Variants in OTOF observed in about 807,000 individuals in gnomAD.
OTOF encodes otoferlin, also known as fer-1-like family member 2.
In OTOF, 218 loss-of-function variants were observed where a neutral mutation model predicts 236.8. The ratio of observed to expected loss-of-function variants is 0.92; its 90% CI spans 0.82 to 1.03. OTOF has a LOEUF of 1.03. Ranked by LOEUF, OTOF falls within the 50% of genes least tolerant of loss-of-function variation. The pLI, the probability that OTOF is intolerant of heterozygous loss-of-function variation, is 0.00. For synonymous variants in OTOF, 1,041 were observed against 1,072.5 expected (o/e 0.97, Z 0.57); for missense variants, 2,590 against 2,694.4 (o/e 0.96, Z 0.86).
chr2:26,548,465 C>T (rs1225985760), intron 1 of OTOF, among the ~76,000 whole-genome samples: 1 of 152,150 alleles, frequency 6.6e-6, no homozygotes, highest in Non-Finnish European at 1.5e-5. Context: ...GACTCCATAC[C>T]CGTGAGCAGT....
intron 18 of OTOF, 24 bp downstream of exon 18, chr2:26,479,240 G>C (rs746656281): frequency 1.2e-6 from 2 of 1,611,678 alleles, no homozygotes; most frequent in East Asian, 4.5e-5. Flanking sequence ...CCCCACCCCT[G>C]CTGGCCCCTG....
At chr2:26,536,334 A>G (rs1381898140) in intron 2 of OTOF, among the ~76,000 whole-genome samples, 1 of 152,150 alleles carries the variant, frequency 6.6e-6, no homozygotes. Flanking sequence ...TACAGCCAGG[A>G]GGGGGAGAAG....
rs1666138573 is a variant in OTOF, at chr2:26,502,391, G to T, written c.619C>A (p.His207Asn). The T allele has an allele frequency of 6.2e-7, 1 of 1,613,850 alleles. No homozygotes were observed. The highest frequency in any genetic ancestry group is 8.5e-7 in the Non-Finnish European group (1 of 1,179,928). ...CCATCTCCTAGCCGAATGGCCAGAT[G>T]GTCAAGGTCTTCCATCTCCAGCACC... ...PAVLEMEDLD[H>N]LAIRLGDGLD... The change falls in exon 7 of 47, where the codon CAT (histidine) becomes AAT (asparagine). Residue 207 changes from histidine (H) to asparagine (N), a missense_variant. By Grantham distance (68) the His-to-Asn change is moderately conservative. Coordinates refer to ENST00000272371, the MANE Select transcript of OTOF (RefSeq NM_194248.3).
chr2:26,541,272 TAGAG>T (rs1667206865), intron 1 of OTOF, among the ~76,000 whole-genome samples: 1 of 152,096 alleles, frequency 6.6e-6, no homozygotes, highest in Non-Finnish European at 1.5e-5. Flanking sequence ...ATAGCTTTGT[TAGAG>T]AGGAAGTAAA....
At position 26,477,735 on chromosome 2, in the gene OTOF, G is replaced by C. The variant is rs770702320; in HGVS notation, c.2229C>G (p.Asn743Lys). The C allele has an allele frequency of 1.2e-6, 2 of 1,612,532 alleles. No homozygotes were observed. Among genetic ancestry groups the C allele is most frequent in the South Asian group, 1.1e-5 (1 of 91,090 alleles). ...CCGTTTTGATCATCTCCTGTATGTC[G>C]TTCAGGCCTTCTTCCTGTGAATCAG... ...HIADKLEEGL[N>K]DIQEMIKTEK... Residue 743 changes from asparagine (N) to lysine (K), a missense_variant, in exon 19 of 47, where the codon AAC becomes AAG. Asn to Lys is a moderately conservative substitution (Grantham distance 94). Around this residue, in one of 2 missense-constraint regions of OTOF, gnomAD observed 1,379 missense variants for 1,341.6 expected, o/e 1.03. Coordinates refer to ENST00000272371, the MANE Select transcript of OTOF (RefSeq NM_194248.3). This position sits in a 1 kb window ranked among gnomAD's most constrained non-coding sequence, Gnocchi z 4.7.
chr2:26,458,330 C>G, intron 46 of OTOF, 110 bp from the exon 47 acceptor site: 1 of 1,137,886 alleles, frequency 8.8e-7, no homozygotes, highest in Non-Finnish European at 1.3e-6. Context: ...GGCCCCAGCC[C>G]CAAAAGCAGT....
rs1406433503 is a variant in OTOF, at chr2:26,473,480, C to G, written c.3496G>C (p.Gly1166Arg). The G allele has an allele frequency of 6.2e-7, 1 of 1,613,248 alleles. No homozygotes were observed. The highest frequency in any genetic ancestry group is 1.1e-5 in the South Asian group (1 of 91,078). Residue 1166 changes from glycine (G) to arginine (R), a missense_variant, in exon 28 of 47, where the codon GGG (glycine) becomes CGG (arginine). Coordinates refer to ENST00000272371, the MANE Select transcript of OTOF (RefSeq NM_194248.3). The surrounding 1 kb of genome is among the most constrained non-coding windows in gnomAD (Gnocchi z 7.2). ...TTGTGGATCAGGGACGACTGCACCC[C>G]CTTCCCTGCACACTCGATGTCCACC... The part of the protein sequence containing the change: ...PRVDIECAGK[G>R]VQSSLIHNYK...
In OTOF at chr2:26,480,795, G is replaced by A; in HGVS notation, c.1794C>T (p.Pro598=). The change falls in exon 15 of 47, where the codon CCC becomes CCT. Residue 598 remains proline (P), a synonymous_variant. Coordinates refer to ENST00000272371, the MANE Select transcript of OTOF (RefSeq NM_194248.3). ...GTGCCTGGGGTCTCACCTCCGAGAT[G>A]GGCGTGGCCTGCTCCACCTGCACCT... is the stretch of plus-strand genomic sequence containing the variant. ...STEVQVEQAT[P]ISESCAGKME... 1 of 1,612,052 alleles carries A rather than the reference G, an allele frequency of 6.2e-7. No individual in the cohort carries two copies. Among genetic ancestry groups the A allele is most frequent in the African/African-American group, 1.3e-5 (1 of 75,036 alleles).
chr2:26,528,655 C>T (rs1003227577), intron 2 of OTOF, among the ~76,000 whole-genome samples: 9 of 152,304 alleles, frequency 5.9e-5, no homozygotes, highest in Admixed American at 2.0e-4. Context: ...AAAACAGAGG[C>T]TAAAGTGGCC....
At position 26,558,689 on chromosome 2, in the gene OTOF, C is replaced by T. The variant is rs983937261; in HGVS notation, c.-118G>A. Reference sequence around the variant, plus strand: ...CTGCCTCCTCCTCCTCCTCCCGACCCCCCTCCGATGCTGCCCACAGAGACC... The same window carrying T: ...CTGCCTCCTCCTCCTCCTCCCGACCTCCCTCCGATGCTGCCCACAGAGACC... On this transcript the variant is annotated 5_prime_UTR_variant, in exon 1 of 47. Transcript: ENST00000272371. 4 of 859,102 alleles carry T rather than the reference C, an allele frequency of 4.7e-6. No homozygotes were observed. Among genetic ancestry groups the T allele is most frequent in the Middle Eastern group, 3.3e-4 (1 of 3,062 alleles). 53.2% of individuals were successfully genotyped at this position (859,102 alleles called of 1,614,324 possible).
chr2:26,479,720 C>T (rs1033210935), intron 16 of OTOF, 67 bp from the exon 17 acceptor site: 23 of 1,516,120 alleles, frequency 1.5e-5, no homozygotes, highest in East Asian at 4.6e-5. Flanking sequence ...CCGTCCAATC[C>T]GGTGCTGCCT....
chr2:26,460,224 A>C lies in OTOF; in HGVS notation c.5814-19T>G. On this transcript the variant is annotated intron_variant, in intron 45 of 46. Coordinates refer to ENST00000272371, the MANE Select transcript of OTOF (RefSeq NM_194248.3). The surrounding 1 kb of genome is among the most constrained non-coding windows in gnomAD (Gnocchi z 5.3). The stretch of plus-strand genomic sequence containing the variant: ...GGGCCGGCTGGAGTATGAAGGGTAG[A>C]GAGCGCAGAGGAGGGACAGGGAGGA... The C allele has an allele frequency of 6.3e-7, 1 of 1,589,472 alleles. No individual in the cohort carries two copies. Among genetic ancestry groups the C allele is most frequent in the Non-Finnish European group, 8.6e-7 (1 of 1,167,276 alleles).
At position 26,464,044 on chromosome 2, in the gene OTOF, G is replaced by T. The variant is rs537308782; in HGVS notation, c.5023C>A (p.Pro1675Thr). Residue 1675 changes from proline to threonine, a missense_variant, in exon 40 of 47, where the codon CCC becomes ACC. Physicochemically the swap from Pro to Thr is conservative, Grantham distance 38. This residue lies in a region of OTOF where 1,211 missense variants were observed against 1,352.8 expected (regional missense o/e 0.90). Coordinates refer to ENST00000272371, the MANE Select transcript of OTOF (RefSeq NM_194248.3). ...LLALRHWEDI[P>T]RAGCRLVPEH... ...GGCACCAGGCGGCAGCCTGCGCGGG[G>T]GATGTCCTCCCAGTGCCTCAGGGCC... 72 of 1,613,740 alleles carry T rather than the reference G, an allele frequency of 4.5e-5. No individual in the cohort carries two copies. The highest frequency in any genetic ancestry group is 8.3e-5 in the Admixed American group (5 of 60,030).
intron 22 of OTOF, among the ~76,000 whole-genome samples, 159 bp from the exon 23 acceptor site, chr2:26,476,476 G>A (rs1265441434): frequency 8.0e-6 from 1 of 125,490 alleles, no homozygotes; most frequent in Non-Finnish European, 1.7e-5. Flanking sequence ...GATGGGCAGG[G>A]GGCCGTCATG....
In OTOF at chr2:26,460,007, C is replaced by A; in HGVS notation, c.*17+1G>T. ...AGAGGAAGAAGTAAGAAATATCAGA[C>A]CCAGGAGGCCACTGGGCTCAGGCCC... On this transcript the variant is annotated splice_donor_variant, in intron 46 of 46. Coordinates refer to ENST00000272371, the MANE Select transcript of OTOF (RefSeq NM_194248.3). LOFTEE classifies it low-confidence loss of function (3UTR_SPLICE). The surrounding 1 kb of genome is among the most constrained non-coding windows in gnomAD (Gnocchi z 5.3). 13 of 1,559,614 alleles carry A rather than the reference C, an allele frequency of 8.3e-6. No homozygotes were observed. The highest frequency in any genetic ancestry group is 1.1e-5 in the Non-Finnish European group (13 of 1,151,886).
At chr2:26,531,243 C>T (rs925814896) in intron 2 of OTOF, among the ~76,000 whole-genome samples, 3 of 152,134 alleles carry the variant, frequency 2.0e-5, no homozygotes, top group East Asian at 1.9e-4. Flanking sequence ...CTTTTTTGTT[C>T]TTCTGACAAC....
chr2:26,458,001 C>A lies in OTOF; in HGVS notation c.*237G>T. The A allele has an allele frequency of 3.8e-6, 6 of 1,586,962 alleles. No individual in the cohort carries two copies. The highest frequency in any genetic ancestry group is 5.2e-6 in the Non-Finnish European group (6 of 1,161,322). On this transcript the variant is annotated 3_prime_UTR_variant, in exon 47 of 47. Coordinates refer to ENST00000272371, the MANE Select transcript of OTOF (RefSeq NM_194248.3). The stretch of plus-strand genomic sequence containing the variant: ...GAGTCCAAGCCACTGAAAGGAAATG[C>A]GGCAGGGCTGGGGAGCGGCTGGCGG...
At chr2:26,553,768 T>C (rs1428622962) in intron 1 of OTOF, among the ~76,000 whole-genome samples, 1 of 152,166 alleles carries the variant, frequency 6.6e-6, no homozygotes, top group Non-Finnish European at 1.5e-5. Context: ...TGCTCCCACC[T>C]CCTTTCCCGT....
At chr2:26,497,089 CTTTTTTTT>C (rs201349303) in intron 8 of OTOF, among the ~76,000 whole-genome samples, 8 of 97,772 alleles carry the variant, frequency 8.2e-5, no homozygotes, top group Non-Finnish European at 1.3e-4. Context: ...GTACATTCTT[CTTTTTTTT>C]TTTTTTTTTT....
Sources: gnomAD v4.1 joint callset for allele counts (sites outside exome capture counted in the v4.1 genomes callset) on GRCh38, gnomAD v4.1.1 for gene constraint, gnomAD v4.1.1 regional missense constraint, Gnocchi (gnomAD v3.1) non-coding constraint, MANE v1.5 for transcripts, NCBI Gene and HGNC (gene_info 2026-07-23, HGNC 2026-07-21) for gene names.